Variants in SH2B3 observed in about 807,000 individuals in gnomAD.
SH2B3 encodes the protein SH2B adapter protein 3.
Under a neutral mutation model 51.9 loss-of-function variants are expected in SH2B3, and 43 were observed. That is an observed-to-expected ratio of 0.83 (90% CI 0.65 to 1.07). The LOEUF is 1.07. Among genes scored for constraint, SH2B3 ranks in the 50% least tolerant of loss-of-function variants. The probability of loss-of-function intolerance (pLI) is 0.00; values close to 1 mark genes in which losing one functional copy is unlikely to be tolerated. For missense variants in SH2B3, 952 were observed against 834.3 expected, an observed-to-expected ratio of 1.14 and a Z score of -1.74; for synonymous variants, 396 against 376.0, an observed-to-expected ratio of 1.05 and a Z score of -0.62.
chr12:111,432,779 C>G (rs1474259297), intron 2 of SH2B3, among the ~76,000 whole-genome samples: 1 of 152,230 alleles, frequency 6.6e-6, no homozygotes, highest in Non-Finnish European at 1.5e-5. Context: ...CCTTTTGTGT[C>G]TGGCTTCCTT....
chr12:111,435,430 G>A lies in SH2B3; in HGVS notation c.733-11323G>A, dbSNP rs112142794. Among the ~76,000 whole-genome samples, 4,380 of 152,246 alleles carry A rather than the reference G, an allele frequency of 0.029. 86 individuals carry two copies. Among genetic ancestry groups the A allele is most frequent in the Middle Eastern group, 0.068 (20 of 294 alleles). On this transcript the variant is annotated intron_variant, in intron 2 of 7. Coordinates refer to ENST00000341259, the MANE Select transcript of SH2B3 (RefSeq NM_005475.3). This position sits in a 1 kb window ranked among gnomAD's most constrained non-coding sequence, Gnocchi z 4.8. The stretch of plus-strand genomic sequence containing the variant: ...AGCTGGAGTGCAGTAGCACGATCTC[G>A]GCTCACTGCAACCTCCGCCTCCCAG...
At chr12:111,434,097 C>T (rs1872675963) in intron 2 of SH2B3, among the ~76,000 whole-genome samples, 1 of 152,196 alleles carries the variant, frequency 6.6e-6, no homozygotes, top group Admixed American at 6.5e-5. Context: ...AAAACCTTTG[C>T]CACCTTCTGG....
intron 2 of SH2B3, among the ~76,000 whole-genome samples, chr12:111,419,141 T>C (rs1357188286): frequency 6.6e-6 from 1 of 151,554 alleles, no homozygotes; most frequent in Non-Finnish European, 1.5e-5. Flanking sequence ...CGAGACCCTA[T>C]CTCTATAAAA....
chr12:111,439,330 G>T (rs934460370), intron 2 of SH2B3, among the ~76,000 whole-genome samples: 10 of 152,286 alleles, frequency 6.6e-5, no homozygotes, highest in African/African-American at 2.4e-4. Context: ...TGTATTTTTA[G>T]TAGAGACAGA....
rs1188147136 is a variant in SH2B3, at chr12:111,429,625, C to T, written c.732+10748C>T. 6.6e-6 allele frequency among the ~76,000 whole-genome samples: 1 copy of T among 152,252 alleles called. No individual in the cohort carries two copies. The highest frequency in any genetic ancestry group is 1.5e-5 in the Non-Finnish European group (1 of 68,046). On this transcript the variant is annotated intron_variant, in intron 2 of 7. Coordinates refer to ENST00000341259, the MANE Select transcript of SH2B3 (RefSeq NM_005475.3). The surrounding 1 kb of genome is among the most constrained non-coding windows in gnomAD (Gnocchi z 4.4). ...CTAGGATTACAGGCGTGAGCTACCGCGCCCGGCCCATTTTTATTAATTGGT... is the reference window on the plus strand; with the variant it reads ...CTAGGATTACAGGCGTGAGCTACCGTGCCCGGCCCATTTTTATTAATTGGT...
intron 1 of SH2B3, among the ~76,000 whole-genome samples, chr12:111,411,823 C>G (rs1870723463): frequency 6.6e-6 from 1 of 152,184 alleles, no homozygotes; most frequent in African/African-American, 2.4e-5. Context: ...CAAGGATGCA[C>G]CAGGCTGAGT....
At position 111,435,475 on chromosome 12, in the gene SH2B3, C is replaced by T. The variant is rs1027512779; in HGVS notation, c.733-11278C>T. Among the ~76,000 whole-genome samples, 28 of 152,250 alleles carry T rather than the reference C, an allele frequency of 1.8e-4. No homozygotes were observed. Among genetic ancestry groups the T allele is most frequent in the Admixed American group, 1.8e-3 (27 of 15,290 alleles). On this transcript the variant is annotated intron_variant, in intron 2 of 7. Transcript: ENST00000341259. This position sits in a 1 kb window ranked among gnomAD's most constrained non-coding sequence, Gnocchi z 4.8. ...TCCCAGGTTCAGGTGATTCTCGTGC[C>T]TCAGCCTCCTGAGTAGCTGGGACTA...
chr12:111,435,081 C>A lies in SH2B3; in HGVS notation c.733-11672C>A. 1.4e-6 allele frequency: 2 copies of A among 1,402,000 alleles called. No individual in the cohort carries two copies. The highest frequency in any genetic ancestry group is 1.2e-5 in the South Asian group (1 of 80,972). The allele number at this position is 1,402,000 out of a possible 1,614,324, so 86.8% of individuals were successfully genotyped here. ...TTTGGGGATCTTGGTGGTGATGAGT[C>A]CCCTCTCCTCTGGTGCACTCTCCCC... On this transcript the variant is annotated intron_variant, in intron 2 of 7. Coordinates refer to ENST00000341259, the MANE Select transcript of SH2B3 (RefSeq NM_005475.3). The surrounding 1 kb of genome is among the most constrained non-coding windows in gnomAD (Gnocchi z 4.8).
Position 111,450,304 on chromosome 12 carries a change from A to G in SH2B3, c.*2002A>G, listed in dbSNP as rs1874458614. The G allele has an allele frequency of 6.6e-6, 1 of 152,270 alleles. No homozygotes were observed. The highest frequency in any genetic ancestry group is 2.4e-5 in the African/African-American group (1 of 41,464). The allele number at this position is 152,270 out of a possible 1,614,324, so 9.4% of individuals were successfully genotyped here. Reference sequence around the variant, plus strand: ...TGACACTGATCCAGATTTGCAGTCCATTTTTAAGGACACCTGTCTTTATTT... The same window carrying G: ...TGACACTGATCCAGATTTGCAGTCCGTTTTTAAGGACACCTGTCTTTATTT... On this transcript the variant is annotated 3_prime_UTR_variant, in exon 8 of 8. Transcript: ENST00000341259.
At chr12:111,431,006 C>T (rs1056471359) in intron 2 of SH2B3, among the ~76,000 whole-genome samples, 2 of 148,590 alleles carry the variant, frequency 1.3e-5, no homozygotes, top group South Asian at 2.1e-4. Flanking sequence ...AAGAGGTCTC[C>T]GAGTGCCGGC....
Position 111,447,992 on chromosome 12 carries a change from A to T in SH2B3, c.1418A>T (p.Asn473Ile), listed in dbSNP as rs773358920. 2.5e-6 allele frequency: 4 copies of T among 1,608,482 alleles called. No individual in the cohort carries two copies. The South Asian group carries it at 4.4e-5, about 18-fold the overall frequency. Residue 473 changes from asparagine (N) to isoleucine (I), a missense_variant, in exon 8 of 8, where the codon AAC becomes ATC. Coordinates refer to ENST00000341259, the MANE Select transcript of SH2B3 (RefSeq NM_005475.3). ...VVVSQPPGSC[N>I]TVLFPFSLPH... is the part of the protein sequence containing the mutation. ...TGGTCACTTGTCCTAGGTTCCTGCAACACGGTCCTCTTCCCTTTCTCCCTT... is the reference window on the plus strand; with the variant it reads ...TGGTCACTTGTCCTAGGTTCCTGCATCACGGTCCTCTTCCCTTTCTCCCTT...
At chr12:111,408,613 TGTCTGTG>T (rs1310866015) in intron 1 of SH2B3, among the ~76,000 whole-genome samples, 1 of 152,162 alleles carries the variant, frequency 6.6e-6, no homozygotes, top group East Asian at 1.9e-4. Context: ...CAGTGCCACC[TGTCTGTG>T]GTGAGGGGAG....
chr12:111,416,572 C>A (rs923074801), intron 1 of SH2B3, among the ~76,000 whole-genome samples: 1 of 152,038 alleles, frequency 6.6e-6, no homozygotes, highest in Non-Finnish European at 1.5e-5. Context: ...CAGCTCACTG[C>A]AACCTCCACC....
chr12:111,445,668 G>A (rs986132858), intron 2 of SH2B3, among the ~76,000 whole-genome samples: 2 of 152,258 alleles, frequency 1.3e-5, no homozygotes, highest in Non-Finnish European at 2.9e-5. Context: ...CAGGAGACCT[G>A]CTGGAAGGGC....
chr12:111,428,148 T>C (rs1565976791), intron 2 of SH2B3, among the ~76,000 whole-genome samples: 1 of 152,256 alleles, frequency 6.6e-6, no homozygotes, highest in Non-Finnish European at 1.5e-5. Context: ...AATGCCACCA[T>C]TTTATAGATG....
At chr12:111,417,302 C>G (rs1871161420) in intron 1 of SH2B3, among the ~76,000 whole-genome samples, 1 of 152,114 alleles carries the variant, frequency 6.6e-6, no homozygotes, top group East Asian at 1.9e-4. Context: ...AGTGGGATTC[C>G]TAGAGCCTGA....
In SH2B3 at chr12:111,418,593, T is replaced by TCGGC; in HGVS notation, c.452_455dup (p.Glu153ArgfsTer20). The TCGGC allele has an allele frequency of 6.7e-7, 1 of 1,490,430 alleles. No homozygotes were observed. Among genetic ancestry groups the TCGGC allele is most frequent in the Non-Finnish European group, 8.9e-7 (1 of 1,127,546 alleles). 92.3% of individuals were successfully genotyped at this position (1,490,430 alleles called of 1,614,324 possible). A position where few individuals can be genotyped will look rare whatever the true frequency, so the allele number is the denominator to read the frequency against. On this transcript the variant is annotated frameshift_variant, in exon 2 of 8. Transcript: ENST00000341259. LOFTEE classifies it high-confidence loss of function. The surrounding 1 kb of genome is among the most constrained non-coding windows in gnomAD (Gnocchi z 6.7). ...CCTCCGCCACATCTTCCGCCGCCGC[T>TCGGC]CGGCCGGGGAGCTGCCAGCGGCCCA...
At chr12:111,419,354 A>C (rs1407381811) in intron 2 of SH2B3, among the ~76,000 whole-genome samples, 1 of 151,912 alleles carries the variant, frequency 6.6e-6, no homozygotes, top group East Asian at 1.9e-4. Flanking sequence ...TTAGATTTAC[A>C]GGCCAGGTGC....
intron 2 of SH2B3, among the ~76,000 whole-genome samples, chr12:111,439,275 G>A (rs951861824): frequency 2.0e-5 from 3 of 151,898 alleles, no homozygotes; most frequent in African/African-American, 4.8e-5. Context: ...TCAGCCTCCC[G>A]AGCAGCTGGG....
Sources: gnomAD v4.1 joint callset for allele counts (sites outside exome capture counted in the v4.1 genomes callset) on GRCh38, gnomAD v4.1.1 for gene constraint, Gnocchi (gnomAD v3.1) non-coding constraint, MANE v1.5 for transcripts, NCBI Gene and HGNC (gene_info 2026-07-23, HGNC 2026-07-21) for gene names.